MEPE: variants seen among roughly 807,000 people sequenced by gnomAD.
MEPE encodes the protein matrix, extracellular phosphoglycoprotein with ASARM motif (bone).
MEPE carries 7 observed loss-of-function variants against 7.3 expected under a neutral mutation model. The ratio of observed to expected loss-of-function variants is 0.95; its 90% CI spans 0.54 to 1.79. The LOEUF is 1.79. Ranked by LOEUF, MEPE falls within the 40% of genes most tolerant of loss-of-function variation. The probability of loss-of-function intolerance (pLI) is 0.00; values close to 1 mark genes in which losing one functional copy is unlikely to be tolerated. For missense variants in MEPE, 623 were observed against 628.2 expected, an observed-to-expected ratio of 0.99 and a Z score of 0.09; for synonymous variants, 214 against 213.1, an observed-to-expected ratio of 1.00 and a Z score of -0.04.
chr4:87,840,184 A>G (rs1722962615), intron 3 of MEPE: 2 of 1,047,380 alleles, frequency 1.9e-6, no homozygotes, highest in African/African-American at 3.2e-5. Flanking sequence ...AGGAAAAACC[A>G]TTTTGGCCTA....
At position 87,845,467 on chromosome 4, in the gene MEPE, A is replaced by T; in HGVS notation, c.599A>T (p.Asp200Val). The T allele has an allele frequency of 6.2e-7, 1 of 1,613,904 alleles. No individual in the cohort carries two copies. Among genetic ancestry groups the T allele is most frequent in the Non-Finnish European group, 8.5e-7 (1 of 1,179,964 alleles). Residue 200 changes from aspartate (D) to valine (V), a missense_variant, in exon 4 of 4, where the codon GAT becomes GTT. Coordinates refer to ENST00000361056, the MANE Select transcript of MEPE (RefSeq NM_020203.6). ...HSKDKKKPQR[D>V]SQAQKSPVKS... ...AAGGATAAAAAGAAGCCTCAAAGAG[A>T]TTCCCAAGCCCAGAAAAGTCCAGTA...
intron 1 of MEPE, among the ~76,000 whole-genome samples, chr4:87,822,731 G>A (rs894020149): frequency 3.3e-5 from 5 of 152,096 alleles, no homozygotes; most frequent in African/African-American, 1.2e-4. Context: ...AACCCTAAGG[G>A]AGCAAGGTCA....
intron 3 of MEPE, chr4:87,840,064 GACTGCTGTGTT>G: frequency 6.5e-7 from 1 of 1,534,134 alleles, no homozygotes; most frequent in Non-Finnish European, 8.7e-7. Flanking sequence ...GGTGCCCATG[GACTGCTGTGTT>G]ACTGCTTCTG....
In MEPE at chr4:87,838,651, A is replaced by G. The variant is rs1722891149; in HGVS notation, c.74A>G (p.Glu25Gly). 4.3e-6 allele frequency: 7 copies of G among 1,613,650 alleles called. No homozygotes were observed. Among genetic ancestry groups the G allele is most frequent in the Non-Finnish European group, 5.9e-6 (7 of 1,179,660 alleles). ...WAAPTFQPQT[E>G]KTKQSCVEEQ... ...TTTCAGACATTTCAACCACAGACTGAGAAAACTAAGCAAAGCTGTGTGGAA... is the reference window on the plus strand; with the variant it reads ...TTTCAGACATTTCAACCACAGACTGGGAAAACTAAGCAAAGCTGTGTGGAA... The change falls in exon 3 of 4, where the codon GAG becomes GGG. Residue 25 changes from glutamate to glycine, a missense_variant. Coordinates refer to ENST00000361056, the MANE Select transcript of MEPE (RefSeq NM_020203.6).
At position 87,845,049 on chromosome 4, in the gene MEPE, A is replaced by G; in HGVS notation, c.181A>G (p.Lys61Glu). ...GAGAATAAATCAAGAGCTATCATCT[A>G]AAGAAAATATTGTCCAGGAAAGAAA... ...GKRINQELSS[K>E]ENIVQERKKD... The change falls in exon 4 of 4, where the codon AAA becomes GAA. Residue 61 changes from lysine (K) to glutamate (E), a missense_variant. Physicochemically the swap from Lys to Glu is moderately conservative, Grantham distance 56. Transcript: ENST00000361056. The G allele has an allele frequency of 6.2e-7, 1 of 1,612,374 alleles. No individual in the cohort carries two copies. Among genetic ancestry groups the G allele is most frequent in the Non-Finnish European group, 8.5e-7 (1 of 1,179,372 alleles).
In MEPE at chr4:87,841,651, T is replaced by C. The variant is rs371993616; in HGVS notation, c.108+2966T>C. ...CTTCCAACAGTTAATAAGATACATA[T>C]ATAAAAGCAGACAGTCCTCCAAGCA... On this transcript the variant is annotated intron_variant, in intron 3 of 3. Transcript: ENST00000361056. 4.3e-4 allele frequency among the ~76,000 whole-genome samples: 66 copies of C among 152,254 alleles called. 1 individual carries two copies. Among genetic ancestry groups the C allele is most frequent in the African/African-American group, 1.3e-3 (54 of 41,554 alleles).
intron 1 of MEPE, among the ~76,000 whole-genome samples, chr4:87,822,727 A>C (rs1477370895): frequency 6.6e-6 from 1 of 152,170 alleles, no homozygotes; most frequent in Non-Finnish European, 1.5e-5. Flanking sequence ...GTTGAACCCT[A>C]AGGGAGCAAG....
At chr4:87,829,213 AT>A (rs368539610), upstream of MEPE, among the ~76,000 whole-genome samples, 5 of 149,642 alleles carry the variant, frequency 3.3e-5, no homozygotes, top group African/African-American at 4.9e-5. Flanking sequence ...ATAGGCTCTC[AT>A]TTTTTTTTGC....
At chr4:87,831,994 C>T (rs73840156), upstream of MEPE, among the ~76,000 whole-genome samples, 488 of 152,016 alleles carry the variant, frequency 3.2e-3, 2 homozygotes, top group African/African-American at 0.011. Context: ...CTGGGAATTC[C>T]GCAATGAAGA....
Position 87,838,776 on chromosome 4 carries a change from G to A in MEPE, c.108+91G>A, listed in dbSNP as rs1005352781. The A allele has an allele frequency of 5.9e-6, 7 of 1,181,988 alleles. No homozygotes were observed. The African/African-American group carries it at 9.2e-5, about 16-fold the overall frequency. 73.2% of individuals were successfully genotyped at this position (1,181,988 alleles called of 1,614,324 possible). ...AAAGTGTAACTGTCAAAATAGTCTT[G>A]GGCACTTTGAATGGAAGTGAAAAAA... On this transcript the variant is annotated intron_variant, in intron 3 of 3. Coordinates refer to ENST00000361056, the MANE Select transcript of MEPE (RefSeq NM_020203.6).
Position 87,846,245 on chromosome 4 carries a change from T to C in MEPE, c.1377T>C (p.His459=), listed in dbSNP as rs984068372. The C allele has an allele frequency of 6.2e-7, 1 of 1,612,878 alleles. No individual in the cohort carries two copies. The highest frequency in any genetic ancestry group is 8.5e-7 in the Non-Finnish European group (1 of 1,178,928). The change falls in exon 4 of 4, where the codon CAT becomes CAC. Residue 459 remains histidine (H), a synonymous_variant. Coordinates refer to ENST00000361056, the MANE Select transcript of MEPE (RefSeq NM_020203.6). ...TGGATTCCTTTAATGGCCCCAGTCA[T>C]GAGAATATAATAACACATGGCAGAA... ...NEMDSFNGPS[H]ENIITHGRKY...
Position 87,825,752 on chromosome 4 carries a change from C to T in MEPE, c.-13+4281C>T, listed in dbSNP as rs567370176. ...CGCAGGATGTGCGGGTTTGTTAACG[C>T]AGGTAAATGTGTGTCATGGTGATTT... On this transcript the variant is annotated intron_variant, in intron 1 of 3. Coordinates refer to the MEPE transcript ENST00000424957. Among the ~76,000 whole-genome samples the T allele has an allele frequency of 4.9e-4, 74 of 152,308 alleles. No homozygotes were observed. The South Asian group carries it at 0.015, about 31-fold the overall frequency.
rs61731017 is a variant in MEPE at position 87,846,214 on chromosome 4, A to C, written c.1346A>C (p.Asn449Thr). Reference protein sequence around the residue: ...PSRGLDNEIKNEMDSFNGPSH... With the variant: ...PSRGLDNEIKTEMDSFNGPSH... ...CGTGGTCTTGATAATGAAATCAAAAACGAAATGGATTCCTTTAATGGCCCC... is the reference window on the plus strand; with the variant it reads ...CGTGGTCTTGATAATGAAATCAAAACCGAAATGGATTCCTTTAATGGCCCC... The change falls in exon 4 of 4, where the codon AAC (asparagine) becomes ACC (threonine). Residue 449 changes from asparagine to threonine, a missense_variant. Transcript: ENST00000361056. 3,578 of 1,614,024 alleles carry C rather than the reference A, an allele frequency of 2.2e-3. 52 individuals carry two copies. The African/African-American group carries it at 0.034, about 15-fold the overall frequency.
chr4:87,827,413 A>G, intron 1 of MEPE, among the ~76,000 whole-genome samples: 1 of 152,256 alleles, frequency 6.6e-6, no homozygotes, highest in Non-Finnish European at 1.5e-5. Context: ...GGAATTAAAA[A>G]TAAGCTAAGA....
At chr4:87,831,413 T>C (rs1221619041), upstream of MEPE, among the ~76,000 whole-genome samples, 1 of 152,182 alleles carries the variant, frequency 6.6e-6, no homozygotes, top group Non-Finnish European at 1.5e-5. Flanking sequence ...AACCTTGGTG[T>C]CATCCTGATT....
At chr4:87,843,562 G>T (rs114125851) in intron 3 of MEPE, among the ~76,000 whole-genome samples, 304 of 152,212 alleles carry the variant, frequency 2.0e-3, no homozygotes, top group African/African-American at 6.6e-3. Flanking sequence ...TAGGGATGTT[G>T]TATATTCCAG....
Position 87,845,557 on chromosome 4 carries a change from A to C in MEPE, c.689A>C (p.Lys230Thr). ...TACCTAAAACATCTCTCAAAAGTCA[A>C]AAAAATCCCCAGTGATTTTGAAGGC... ...IDYLKHLSKV[K>T]KIPSDFEGSG... Residue 230 changes from lysine to threonine, a missense_variant, in exon 4 of 4, where the codon AAA (lysine) becomes ACA (threonine). By Grantham distance (78) the Lys-to-Thr change is moderately conservative (BLOSUM62 -1). Transcript: ENST00000361056. 6.2e-7 allele frequency: 1 copy of C among 1,612,040 alleles called. No individual in the cohort carries two copies. The highest frequency in any genetic ancestry group is 1.7e-5 in the Admixed American group (1 of 59,504).
Position 87,842,316 on chromosome 4 carries a change from G to A in MEPE, c.109-2661G>A, listed in dbSNP as rs1312933995. 2.0e-5 allele frequency among the ~76,000 whole-genome samples: 3 copies of A among 152,130 alleles called. No homozygotes were observed. In the East Asian group the frequency reaches 5.8e-4, roughly 29 times the overall value. On this transcript the variant is annotated intron_variant, in intron 3 of 3. Coordinates refer to ENST00000361056, the MANE Select transcript of MEPE (RefSeq NM_020203.6). ...CCCTACACACTTGACCAAATACTAT[G>A]AGCTTCTGGCTGCATGCTCTTTTTC...
chr4:87,845,706 G>T lies in MEPE; in HGVS notation c.838G>T (p.Asp280Tyr), dbSNP rs143270249. The T allele has an allele frequency of 8.9e-5, 144 of 1,613,676 alleles. No individual in the cohort carries two copies. Among genetic ancestry groups the T allele is most frequent in the Non-Finnish European group, 1.2e-4 (143 of 1,179,910 alleles). Reference protein sequence around the residue: ...EATGPDLEGKDIQTGFAGPSE... With the variant: ...EATGPDLEGKYIQTGFAGPSE... ...TACTGGTCCTGACCTAGAAGGCAAA[G>T]ATATTCAAACAGGGTTTGCAGGCCC... The change falls in exon 4 of 4, where the codon GAT (aspartate) becomes TAT (tyrosine). Residue 280 changes from aspartate (D) to tyrosine (Y), a missense_variant. By Grantham distance (160) the Asp-to-Tyr change is radical. Coordinates refer to ENST00000361056, the MANE Select transcript of MEPE (RefSeq NM_020203.6).
Sources: gnomAD v4.1 joint callset for allele counts (sites outside exome capture counted in the v4.1 genomes callset) on GRCh38, gnomAD v4.1.1 for gene constraint, MANE v1.5 for transcripts, NCBI Gene and HGNC (gene_info 2026-07-23, HGNC 2026-07-21) for gene names.